The following ZNF48 variants were observed in gnomAD, a reference collection of about 807,000 sequenced individuals.
The protein encoded by ZNF48 is zinc finger protein 553.
Under a neutral mutation model 40.0 loss-of-function variants are expected in ZNF48, and 20 were observed. The observed-to-expected ratio is 0.50, with a 90% CI of 0.35 to 0.73. The LOEUF is 0.73. Ranked by LOEUF, ZNF48 falls within the 30% of genes least tolerant of loss-of-function variation. The pLI, the probability that ZNF48 is intolerant of heterozygous loss-of-function variation, is 0.01. For synonymous variants in ZNF48, 298 were observed against 329.7 expected (o/e 0.90, Z 1.04); for missense variants, 726 against 851.9 (o/e 0.85, Z 1.84).
chr16:30,394,101 G>A (rs891324064), upstream of ZNF48, among the ~76,000 whole-genome samples: 1 of 151,376 alleles, frequency 6.6e-6, no homozygotes. Flanking sequence ...CACGATCCAC[G>A]ATCATGGCTC....
upstream of ZNF48, chr16:30,395,192 G>A (rs1375605675): frequency 2.2e-6 from 1 of 455,758 alleles, no homozygotes; most frequent in South Asian, 1.6e-5. This position sits in a 1 kb window ranked among gnomAD's most constrained non-coding sequence, Gnocchi z 5.9. Flanking sequence ...GAGACACACA[G>A]CCACAATTAC....
intron 1 of ZNF48, chr16:30,380,884 T>C (rs2049836863): frequency 1.8e-6 from 1 of 563,816 alleles, no homozygotes; most frequent in South Asian, 2.1e-5. Flanking sequence ...CTCATGTCTA[T>C]GCTCCTGCCC....
chr16:30,389,816 GTTTTTTTTTTTTT>G (rs56373430), intron 1 of ZNF48, among the ~76,000 whole-genome samples: 17 of 22,502 alleles, frequency 7.6e-4, no homozygotes, highest in Non-Finnish European at 1.4e-3. Context: ...ATTTGGATTA[GTTTTTTTTTTTTT>G]TTTTTTTTTT....
Position 30,382,541 on chromosome 16 carries a change from A to G in ZNF48, c.-16+4131A>G, listed in dbSNP as rs1187856995. 2 of 1,593,884 alleles carry G rather than the reference A, an allele frequency of 1.3e-6. No individual in the cohort carries two copies. The highest frequency in any genetic ancestry group is 1.3e-5 in the African/African-American group (1 of 74,842). ...AGGACTCACCATGACTCCGCCAGCC[A>G]TCACTGCACCTGCCGTCTCTCCCCA... On this transcript the variant is annotated intron_variant, in intron 1 of 2. Coordinates refer to the ZNF48 transcript ENST00000528032. The surrounding 1 kb of genome is among the most constrained non-coding windows in gnomAD (Gnocchi z 4.8).
intron 1 of ZNF48, among the ~76,000 whole-genome samples, chr16:30,387,324 G>A (rs893773425): frequency 6.8e-6 from 1 of 148,020 alleles, no homozygotes; most frequent in Non-Finnish European, 1.5e-5. Flanking sequence ...GGAGGCCTAG[G>A]TGGGCGGTTC....
rs2049864231 is a variant in ZNF48 at position 30,382,469 on chromosome 16, C to A, written c.-16+4059C>A. 2 of 1,587,278 alleles carry A rather than the reference C, an allele frequency of 1.3e-6. No individual in the cohort carries two copies. Among genetic ancestry groups the A allele is most frequent in the African/African-American group, 1.3e-5 (1 of 74,412 alleles). On this transcript the variant is annotated intron_variant, in intron 1 of 2. Coordinates refer to the ZNF48 transcript ENST00000528032. The surrounding 1 kb of genome is among the most constrained non-coding windows in gnomAD (Gnocchi z 4.8). Reference sequence around the variant, plus strand: ...GGAAGAGTCAGTGGGGTCTGGGGACCCCAGGCATGGGGGCTGGGGGCCGAG... The same window carrying A: ...GGAAGAGTCAGTGGGGTCTGGGGACACCAGGCATGGGGGCTGGGGGCCGAG...
At chr16:30,395,398 GC>G, upstream of ZNF48, 1 of 379,184 alleles carries the variant, frequency 2.6e-6, no homozygotes, top group Non-Finnish European at 5.2e-6. This position sits in a 1 kb window ranked among gnomAD's most constrained non-coding sequence, Gnocchi z 5.9. Flanking sequence ...GCTCCGTGCG[GC>G]CCCGCGCTTC....
At chr16:30,378,555 G>A (rs202168059) in intron 1 of ZNF48, 7 of 1,604,054 alleles carry the variant, frequency 4.4e-6, no homozygotes, top group Admixed American at 3.4e-5. Flanking sequence ...GTGACCTGGC[G>A]AAGCCAGAGG....
chr16:30,380,851 G>A (rs2049835972), intron 1 of ZNF48: 1 of 494,020 alleles, frequency 2.0e-6, no homozygotes, highest in South Asian at 2.3e-5. Context: ...ACGGGGTGGG[G>A]GCCAGAGGGA....
chr16:30,383,458 G>A (rs187811927), intron 1 of ZNF48, among the ~76,000 whole-genome samples: 1 of 152,266 alleles, frequency 6.6e-6, no homozygotes, highest in East Asian at 1.9e-4. Context: ...CAAACTGCTG[G>A]GATTACGGGC....
intron 1 of ZNF48, chr16:30,380,047 G>A (rs778464897): frequency 6.2e-7 from 1 of 1,603,020 alleles, no homozygotes; most frequent in Non-Finnish European, 8.5e-7. Context: ...AGGGGAAACA[G>A]ATATAGAGAC....
At chr16:30,390,975 G>A (rs1265293376), upstream of ZNF48, among the ~76,000 whole-genome samples, 5 of 151,848 alleles carry the variant, frequency 3.3e-5, no homozygotes, top group Non-Finnish European at 1.5e-5. Context: ...TCCTGACCTC[G>A]TGATCTGCCC....
intron 1 of ZNF48, among the ~76,000 whole-genome samples, chr16:30,384,443 G>C (rs918882941): frequency 2.0e-4 from 30 of 152,102 alleles, no homozygotes; most frequent in Admixed American, 1.6e-3. Context: ...AGAATTGCTT[G>C]AACCCAGGAG....
upstream of ZNF48, chr16:30,395,217 C>G (rs1314920949): frequency 1.3e-5 from 6 of 456,130 alleles, no homozygotes; most frequent in Non-Finnish European, 2.6e-5. The surrounding 1 kb of genome is among the most constrained non-coding windows in gnomAD (Gnocchi z 5.9). Context: ...AGCCTCGGGC[C>G]TCACCACCCA....
rs2050019099 is a variant in ZNF48 at position 30,398,747 on chromosome 16, C to T, written c.1497C>T (p.Arg499=). ...ADSSARVKHL[R]THRGERARPP... ...GCTCAGCCCGAGTCAAGCACCTCCG[C>T]ACCCACCGTGGTGAACGGGCCCGGC... is the stretch of plus-strand genomic sequence containing the variant. The change falls in exon 3 of 3, where the codon CGC becomes CGT. Residue 499 remains arginine (R), a synonymous_variant. Coordinates refer to ENST00000613509, the MANE Select transcript of ZNF48 (RefSeq NM_001214909.2). The surrounding 1 kb of genome is among the most constrained non-coding windows in gnomAD (Gnocchi z 6.6). 3 of 1,613,870 alleles carry T rather than the reference C, an allele frequency of 1.9e-6. No individual in the cohort carries two copies. The highest frequency in any genetic ancestry group is 2.5e-6 in the Non-Finnish European group (3 of 1,180,004).
chr16:30,382,114 G>T lies in ZNF48; in HGVS notation c.-16+3704G>T, dbSNP rs370464944. The stretch of plus-strand genomic sequence containing the variant: ...TTACCACTGGCCTCTGGCACCTGGC[G>T]ATCCTCATAGAGGTTGGTGAGGAAG... On this transcript the variant is annotated intron_variant, in intron 1 of 2. Coordinates refer to the ZNF48 transcript ENST00000528032. The surrounding 1 kb of genome is among the most constrained non-coding windows in gnomAD (Gnocchi z 4.8). The T allele has an allele frequency of 5.1e-6, 8 of 1,583,276 alleles. No homozygotes were observed. The highest frequency in any genetic ancestry group is 1.1e-5 in the South Asian group (1 of 87,988).
Position 30,395,443 on chromosome 16 carries a change from G to T in ZNF48, c.-151G>T, listed in dbSNP as rs914028278. On this transcript the variant is annotated 5_prime_UTR_variant, in exon 1 of 3. Transcript: ENST00000613509. The surrounding 1 kb of genome is among the most constrained non-coding windows in gnomAD (Gnocchi z 5.9). The stretch of plus-strand genomic sequence containing the variant: ...GTCCCCGCCCCCGGTGGCCGCCCCC[G>T]GGACGCCTGGGTCCGAGCCCGCTCC... The T allele has an allele frequency of 7.3e-5, 26 of 354,374 alleles. No individual in the cohort carries two copies. The Admixed American group carries it at 8.7e-4, about 12-fold the overall frequency. 22.0% of individuals were successfully genotyped at this position (354,374 alleles called of 1,614,324 possible). A position where few individuals can be genotyped will look rare whatever the true frequency, so the allele number is the denominator to read the frequency against.
At chr16:30,385,484 A>G (rs4788410) in intron 1 of ZNF48, among the ~76,000 whole-genome samples, 113,483 of 151,386 alleles carry the variant, frequency 0.75, 43,454 homozygotes, top group East Asian at 0.92. Flanking sequence ...AATTAGTTGG[A>G]TGTGGTGGCG....
At chr16:30,396,118 G>C (rs2049982830) in intron 2 of ZNF48, 1 of 403,470 alleles carries the variant, frequency 2.5e-6, no homozygotes, top group Non-Finnish European at 4.4e-6. Flanking sequence ...GCTTCATTCT[G>C]TTTTATCCTG....
Sources: allele counts gnomAD v4.1 joint callset (sites outside exome capture counted in the v4.1 genomes callset), GRCh38; gene constraint gnomAD v4.1.1; non-coding constraint Gnocchi (gnomAD v3.1); transcripts MANE v1.5; gene names NCBI Gene and HGNC (gene_info 2026-07-23, HGNC 2026-07-21).